The following ADD1 variants were observed in gnomAD, a reference collection of about 807,000 sequenced individuals.
ADD1 encodes alpha-adducin.
Under a neutral mutation model 80.5 loss-of-function variants are expected in ADD1, and 24 were observed. The ratio of observed to expected loss-of-function variants is 0.30; its 90% CI spans 0.22 to 0.42. ADD1 has a LOEUF of 0.42. Ranked by LOEUF, ADD1 falls within the 10% of genes least tolerant of loss-of-function variation. ADD1 has a pLI of 1.00. For missense variants in ADD1, 948 were observed against 1,019.0 expected (o/e 0.93, Z 0.95); for synonymous variants, 373 against 393.8 (o/e 0.95, Z 0.63).
chr4:2,859,616 C>G (rs1208540307), intron 1 of ADD1, among the ~76,000 whole-genome samples: 2 of 152,222 alleles, frequency 1.3e-5, no homozygotes, highest in Non-Finnish European at 2.9e-5. Flanking sequence ...AAAAGCAAAA[C>G]CAAAGCAGAC....
chr4:2,879,867 T>C (rs1731957881), intron 2 of ADD1, among the ~76,000 whole-genome samples: 1 of 152,022 alleles, frequency 6.6e-6, no homozygotes, highest in Non-Finnish European at 1.5e-5. Context: ...GGCACAAGCT[T>C]CCATGCCCAG....
intron 12 of ADD1, chr4:2,909,084 G>A (rs1737557499): frequency 3.7e-6 from 2 of 534,504 alleles, no homozygotes; most frequent in Non-Finnish European, 6.7e-6. Context: ...AATTGTGTAA[G>A]TAGTTATCTC....
At chr4:2,895,011 A>T (rs546517107) in intron 6 of ADD1, among the ~76,000 whole-genome samples, 2 of 152,222 alleles carry the variant, frequency 1.3e-5, no homozygotes, top group East Asian at 1.9e-4. Flanking sequence ...CTGTAATCAC[A>T]CTACTTCGGG....
At chr4:2,898,055 T>C (rs988291651) in intron 6 of ADD1, 129 bp from the exon 7 acceptor site, 1 of 1,248,162 alleles carries the variant, frequency 8.0e-7, no homozygotes, top group Non-Finnish European at 1.1e-6. Flanking sequence ...AGTTCATAGA[T>C]TGATTTTCAA....
chr4:2,852,138 T>TTTTCTTTC (rs754218185), intron 1 of ADD1, among the ~76,000 whole-genome samples: 6,456 of 97,646 alleles, frequency 0.066, 579 homozygotes, highest in East Asian at 0.1. Flanking sequence ...ACCCGGCCTC[T>TTTTCTTTC]TTTCTTTCTT....
chr4:2,880,545 A>G (rs1176277227), intron 2 of ADD1, among the ~76,000 whole-genome samples: 2 of 125,456 alleles, frequency 1.6e-5, no homozygotes, highest in Non-Finnish European at 3.1e-5. Flanking sequence ...GCGGGATCTC[A>G]GCTCACTGCA....
chr4:2,897,541 CTTT>C (rs34592055), intron 6 of ADD1, among the ~76,000 whole-genome samples: 11 of 99,138 alleles, frequency 1.1e-4, no homozygotes, highest in Non-Finnish European at 1.8e-4. Flanking sequence ...AAACCTCCTC[CTTT>C]TTTTTTTTTT....
chr4:2,855,712 T>G (rs1197984647), intron 1 of ADD1, among the ~76,000 whole-genome samples: 1 of 151,818 alleles, frequency 6.6e-6, no homozygotes, highest in East Asian at 1.9e-4. Context: ...TTTCTTTTCT[T>G]TTTTTTGAGA....
Position 2,928,119 on chromosome 4 carries a change from C to CT in ADD1, c.2048-49dup, listed in dbSNP as rs1459442947. On this transcript the variant is annotated intron_variant, in intron 15 of 15. Coordinates refer to ENST00000683351, the MANE Select transcript of ADD1 (RefSeq NM_001354761.2). ...TGGGGCTCCCCCATCTCAAGCTGCC[C>CT]TTTGAGATCTGGGCAGGAACCCTTA... 50 of 1,521,506 alleles carry CT rather than the reference C, an allele frequency of 3.3e-5. No homozygotes were observed. In the East Asian group the frequency reaches 1.1e-3, roughly 33 times the overall value. The allele number at this position is 1,521,506 out of a possible 1,614,324, so 94.3% of individuals were successfully genotyped here. A position where few individuals can be genotyped will look rare whatever the true frequency, so the allele number is the denominator to read the frequency against.
chr4:2,868,088 C>T (rs12641947), intron 1 of ADD1: 33,210 of 152,186 alleles, frequency 0.22, 4,420 homozygotes, highest in Middle Eastern at 0.3. Context: ...ACAGGGCACA[C>T]TCCGTCAGCC....
intron 9 of ADD1, among the ~76,000 whole-genome samples, chr4:2,903,338 G>T (rs1003451150): frequency 6.6e-6 from 1 of 152,190 alleles, no homozygotes; most frequent in Non-Finnish European, 1.5e-5. Flanking sequence ...ACCTCTCTGT[G>T]CTGGGCAACA....
chr4:2,894,121 T>G, intron 5 of ADD1, 28 bp downstream of exon 5: 2 of 1,572,810 alleles, frequency 1.3e-6, no homozygotes, highest in East Asian at 4.5e-5. Flanking sequence ...TTTGGCAGCT[T>G]GTATGTGCAG....
At chr4:2,892,853 A>AC (rs113738625) in intron 4 of ADD1, among the ~76,000 whole-genome samples, 4 of 150,284 alleles carry the variant, frequency 2.7e-5, no homozygotes, top group Non-Finnish European at 5.9e-5. Flanking sequence ...ATAAAAAACA[A>AC]AAAAAAAAAC....
In ADD1 at chr4:2,926,096, C is replaced by G. The variant is rs34021320; in HGVS notation, c.2031C>G (p.Pro677=). The change falls in exon 15 of 16, where the codon CCC becomes CCG. Residue 677 remains proline, a synonymous_variant. Coordinates refer to ENST00000683351, the MANE Select transcript of ADD1 (RefSeq NM_001354761.2). The surrounding 1 kb of genome is among the most constrained non-coding windows in gnomAD (Gnocchi z 5.0). ...PAVPHPPPST[P]IKLEEDLVPE... is the part of the protein sequence containing the mutation. ...TCCCCCACCCGCCTCCCAGCACTCCCATCAAGCTGGAGGAAGGTGAGCTCT... is the reference window on the plus strand; with the variant it reads ...TCCCCCACCCGCCTCCCAGCACTCCGATCAAGCTGGAGGAAGGTGAGCTCT... 6.6e-4 allele frequency: 1,060 copies of G among 1,614,098 alleles called. 1 individual carries two copies. The highest frequency in any genetic ancestry group is 8.1e-4 in the Non-Finnish European group (956 of 1,179,966).
chr4:2,848,682 G>T (rs1489014359), intron 1 of ADD1, among the ~76,000 whole-genome samples: 3 of 150,272 alleles, frequency 2.0e-5, no homozygotes, highest in Non-Finnish European at 4.4e-5. Context: ...GAGCTGTGTT[G>T]CTCAGGCTGG....
chr4:2,928,658 CAGCCCCGTGT>C lies in ADD1; in HGVS notation c.*143_*152del, dbSNP rs1369836976. 2 of 943,456 alleles carry C rather than the reference CAGCCCCGTGT, an allele frequency of 2.1e-6. No homozygotes were observed. The highest frequency in any genetic ancestry group is 1.7e-5 in the African/African-American group (1 of 59,478). 58.4% of individuals were successfully genotyped at this position (943,456 alleles called of 1,614,324 possible). ...CCGCCTAGAGGTCCCCTCACGTGAC[CAGCCCCGTGT>C]AGCCCCGGGCTGACCCAGTGTGTGC... On this transcript the variant is annotated 3_prime_UTR_variant, in exon 16 of 16. Coordinates refer to ENST00000683351, the MANE Select transcript of ADD1 (RefSeq NM_001354761.2).
Position 2,874,256 on chromosome 4 carries a change from C to G in ADD1, c.-20-1640C>G, listed in dbSNP as rs547114675. ...AAAGATTCCACTGAGGTCATTAGTTCGTTTATTCTATGTTGATGTTTAGTC... is the reference window on the plus strand; with the variant it reads ...AAAGATTCCACTGAGGTCATTAGTTGGTTTATTCTATGTTGATGTTTAGTC... On this transcript the variant is annotated intron_variant, in intron 1 of 15. Coordinates refer to ENST00000683351, the MANE Select transcript of ADD1 (RefSeq NM_001354761.2). Among the ~76,000 whole-genome samples, 6 of 152,206 alleles carry G rather than the reference C, an allele frequency of 3.9e-5. No homozygotes were observed. The South Asian group carries it at 1.2e-3, about 32-fold the overall frequency.
intron 1 of ADD1, among the ~76,000 whole-genome samples, chr4:2,850,719 C>T (rs1307622665): frequency 6.6e-6 from 1 of 151,918 alleles, no homozygotes; most frequent in African/African-American, 2.4e-5. Flanking sequence ...GCCACCGCGC[C>T]TGGCCACGCC....
chr4:2,912,693 A>T (rs1283364217), intron 13 of ADD1, among the ~76,000 whole-genome samples: 2 of 151,566 alleles, frequency 1.3e-5, no homozygotes. Context: ...TGCTTGGCTA[A>T]TTTTTAAATT....
Sources: allele counts gnomAD v4.1 joint callset (sites outside exome capture counted in the v4.1 genomes callset), GRCh38; gene constraint gnomAD v4.1.1; non-coding constraint Gnocchi (gnomAD v3.1); transcripts MANE v1.5; gene names NCBI Gene and HGNC (gene_info 2026-07-23, HGNC 2026-07-21).